Variants in TMCC2 observed in about 807,000 individuals in gnomAD.
TMCC2 encodes the protein transmembrane and coiled-coil domain family 2, also known as transmembrane and coiled-coil domains protein 2.
In TMCC2, 16 loss-of-function variants were observed where a neutral mutation model predicts 49.4. That is an observed-to-expected ratio of 0.32 (90% CI 0.22 to 0.49). The LOEUF (loss-of-function observed/expected upper bound fraction) is 0.49, where lower values mean the gene tolerates loss of function less well. TMCC2 is among the 20% of genes least tolerant of loss of function. TMCC2 has a pLI of 0.99. For missense variants in TMCC2, 762 were observed against 989.8 expected (o/e 0.77, Z 3.09); for synonymous variants, 397 against 434.1 (o/e 0.91, Z 1.06).
rs1395178300 is a variant in TMCC2 at position 205,257,285 on chromosome 1, G to C, written c.748-11665G>C. ...CCAGGGTCTGTGACCCCGGGGGCCT[G>C]ACACAGTCCGCAGACAGCTGGGGCC... is the stretch of plus-strand genomic sequence containing the variant. On this transcript the variant is annotated intron_variant, in intron 2 of 4. Coordinates refer to ENST00000358024, the MANE Select transcript of TMCC2 (RefSeq NM_014858.4). The C allele has an allele frequency of 3.2e-6, 4 of 1,232,158 alleles. No homozygotes were observed. In the African/African-American group the frequency reaches 6.2e-5, roughly 19 times the overall value. 76.3% of individuals were successfully genotyped at this position (1,232,158 alleles called of 1,614,324 possible). A position where few individuals can be genotyped will look rare whatever the true frequency, so the allele number is the denominator to read the frequency against.
chr1:205,253,802 G>A lies in TMCC2; in HGVS notation c.747+11758G>A, dbSNP rs116154919. On this transcript the variant is annotated intron_variant, in intron 2 of 4. Transcript: ENST00000358024. ...TTCTGTTTCAGACCAAGTCTTCCAG[G>A]TACTGTCTGGAATACTGTGGTTTGT... 3.3e-3 allele frequency among the ~76,000 whole-genome samples: 499 copies of A among 152,304 alleles called. 3 individuals are homozygous for A. The highest frequency in any genetic ancestry group is 5.3e-3 in the Non-Finnish European group (359 of 68,030).
In TMCC2 at chr1:205,232,602, A is replaced by C. The variant is rs544638520; in HGVS notation, c.207+3831A>C. 4.6e-5 allele frequency among the ~76,000 whole-genome samples: 7 copies of C among 152,232 alleles called. No individual in the cohort carries two copies. In the South Asian group the frequency reaches 1.5e-3, roughly 32 times the overall value. ...GGGAGGAGAGGTGGGGCTTAGGGGA[A>C]TACTGCAGACAGGGAGCACACATTC... On this transcript the variant is annotated intron_variant, in intron 1 of 4. Transcript: ENST00000358024.
intron 1 of TMCC2, chr1:205,233,763 C>T (rs1244709880): frequency 6.6e-6 from 1 of 151,962 alleles, no homozygotes; most frequent in Non-Finnish European, 1.5e-5. Context: ...CTGACATTCC[C>T]GAGAAGCACC....
At chr1:205,242,923 C>G (rs1477107958) in intron 2 of TMCC2, among the ~76,000 whole-genome samples, 1 of 152,172 alleles carries the variant, frequency 6.6e-6, no homozygotes, top group Non-Finnish European at 1.5e-5. Flanking sequence ...CTAGGGGCTA[C>G]TGGGGGTTCA....
chr1:205,258,934 C>T (rs575647197), intron 2 of TMCC2, among the ~76,000 whole-genome samples: 6 of 152,320 alleles, frequency 3.9e-5, no homozygotes, highest in South Asian at 2.1e-4. Flanking sequence ...ATCAGAGTCA[C>T]GGGGCAGCAG....
rs892881008 is a variant in TMCC2 at position 205,239,025 on chromosome 1, C to A, written c.208-2480C>A. On this transcript the variant is annotated intron_variant, in intron 1 of 4. Coordinates refer to ENST00000358024, the MANE Select transcript of TMCC2 (RefSeq NM_014858.4). ...AGACATCGGTGGCCACCGTAGCTCT[C>A]CCCAGCACCTCCACCAGCCTCCCGG... 1.1e-4 allele frequency among the ~76,000 whole-genome samples: 17 copies of A among 152,180 alleles called. 1 individual carries two copies. Among genetic ancestry groups the A allele is most frequent in the African/African-American group, 3.6e-4 (15 of 41,442 alleles).
At chr1:205,255,485 G>A (rs563136100) in intron 2 of TMCC2, among the ~76,000 whole-genome samples, 9 of 152,304 alleles carry the variant, frequency 5.9e-5, no homozygotes, top group African/African-American at 2.2e-4. Context: ...AACCCAGGAG[G>A]TGGAGGTTGC....
chr1:205,266,959 C>T (rs1232630973), intron 2 of TMCC2, among the ~76,000 whole-genome samples: 1 of 152,216 alleles, frequency 6.6e-6, no homozygotes, highest in Non-Finnish European at 1.5e-5. Flanking sequence ...AGCCTAATTG[C>T]AGGTTAGGGT....
In TMCC2 at chr1:205,264,360, C is replaced by G. The variant is rs1177005247; in HGVS notation, c.748-4590C>G. ...GTTTTTGAGACGGAGTCTCTGTCAC[C>G]CAGGCTGGAGTGCAGTGGTGCAGTC... On this transcript the variant is annotated intron_variant, in intron 2 of 4. Coordinates refer to ENST00000358024, the MANE Select transcript of TMCC2 (RefSeq NM_014858.4). This position sits in a 1 kb window ranked among gnomAD's most constrained non-coding sequence, Gnocchi z 4.2. Among the ~76,000 whole-genome samples the G allele has an allele frequency of 2.0e-5, 3 of 152,144 alleles. No individual in the cohort carries two copies. The highest frequency in any genetic ancestry group is 4.4e-5 in the Non-Finnish European group (3 of 68,028).
At chr1:205,256,261 G>T in intron 2 of TMCC2, 1 of 1,538,260 alleles carries the variant, frequency 6.5e-7, no homozygotes. Context: ...GCTGCCATTA[G>T]AGAGATCCAG....
chr1:205,271,361 C>G (rs767806959), intron 4 of TMCC2, 106 bp downstream of exon 4: 6 of 1,587,908 alleles, frequency 3.8e-6, no homozygotes, highest in Admixed American at 3.4e-5. Flanking sequence ...ACAGGCTGGC[C>G]TGTTGGCCGG....
Position 205,241,977 on chromosome 1 carries a change from C to A in TMCC2, c.680C>A (p.Ala227Asp). Residue 227 changes from alanine to aspartate, a missense_variant, in exon 2 of 5, where the codon GCT becomes GAT. Coordinates refer to ENST00000358024, the MANE Select transcript of TMCC2 (RefSeq NM_014858.4). This position sits in a 1 kb window ranked among gnomAD's most constrained non-coding sequence, Gnocchi z 7.3. ...CGCTCTTCCTCCACCACCGACACTG[C>A]TCTGCTGCTGGCCGACGGCAGCAAC... is the stretch of plus-strand genomic sequence containing the variant. ...RPRSSSTTDT[A>D]LLLADGSNVY... 6.2e-7 allele frequency: 1 copy of A among 1,610,918 alleles called. No homozygotes were observed. The highest frequency in any genetic ancestry group is 8.5e-7 in the Non-Finnish European group (1 of 1,179,514).
rs753786466 is a variant in TMCC2, at chr1:205,269,462, C to T, written c.1260C>T (p.Ala420=). 5 of 1,607,426 alleles carry T rather than the reference C, an allele frequency of 3.1e-6. No homozygotes were observed. The East Asian group carries it at 6.7e-5, about 22-fold the overall frequency. Residue 420 remains alanine, a synonymous_variant, in exon 3 of 5, where the codon GCC becomes GCT. Transcript: ENST00000358024. ...GCCTCTCACAGGCCACCCACACCGC[C>T]GTGGTGTCCAAGCCCCGGGAGTTTG... ...LSGLSQATHT[A]VVSKPREFAS...
intron 3 of TMCC2, 68 bp downstream of exon 3, chr1:205,269,952 C>G: frequency 1.2e-5 from 18 of 1,496,526 alleles, no homozygotes; most frequent in Non-Finnish European, 1.5e-5. Context: ...CACTGGGTTT[C>G]AGACCCAGGG....
rs1019147201 is a variant in TMCC2, at chr1:205,264,284, A to T, written c.748-4666A>T. 2.0e-5 allele frequency among the ~76,000 whole-genome samples: 3 copies of T among 152,182 alleles called. No individual in the cohort carries two copies. The highest frequency in any genetic ancestry group is 4.8e-5 in the African/African-American group (2 of 41,450). On this transcript the variant is annotated intron_variant, in intron 2 of 4. Transcript: ENST00000358024. The surrounding 1 kb of genome is among the most constrained non-coding windows in gnomAD (Gnocchi z 4.2). Reference sequence around the variant, plus strand: ...CCTAGTACAATGTAAATACTATGAAAATAGAAAATAGTGTGACACTGTTGT... The same window carrying T: ...CCTAGTACAATGTAAATACTATGAATATAGAAAATAGTGTGACACTGTTGT...
chr1:205,268,936 G>A lies in TMCC2; in HGVS notation c.748-14G>A. 1.9e-6 allele frequency: 3 copies of A among 1,609,772 alleles called. No homozygotes were observed. The highest frequency in any genetic ancestry group is 1.7e-4 in the Middle Eastern group (1 of 6,052). ...GGGTTTACCCATGCTTCCTCTGCCT[G>A]CCTCTTTCCCCAGGTCGATAAGGGA... On this transcript the variant is annotated splice_polypyrimidine_tract_variant and intron_variant, in intron 2 of 4. Coordinates refer to ENST00000358024, the MANE Select transcript of TMCC2 (RefSeq NM_014858.4).
At chr1:205,234,569 A>G (rs1288374841) in intron 1 of TMCC2, among the ~76,000 whole-genome samples, 2 of 152,222 alleles carry the variant, frequency 1.3e-5, no homozygotes, top group Non-Finnish European at 1.5e-5. Context: ...ATGGAAATAC[A>G]TAGAAGTTAA....
chr1:205,238,588 C>T (rs899304398), intron 1 of TMCC2, among the ~76,000 whole-genome samples: 1 of 152,130 alleles, frequency 6.6e-6, no homozygotes, highest in Non-Finnish European at 1.5e-5. Context: ...GGTCTTGTCC[C>T]ATAACATGGG....
At position 205,272,364 on chromosome 1, in the gene TMCC2, A is replaced by C; in HGVS notation, c.*240A>C. 1.4e-5 allele frequency: 10 copies of C among 693,482 alleles called. No individual in the cohort carries two copies. Among genetic ancestry groups the C allele is most frequent in the Non-Finnish European group, 2.3e-5 (10 of 430,970 alleles). The allele number at this position is 693,482 out of a possible 1,614,324, so 43.0% of individuals were successfully genotyped here. ...GCGGGCACCTGTGGCCAAGTGGAGC[A>C]GAGGTGGACATGGGGTTGGATTGTT... On this transcript the variant is annotated 3_prime_UTR_variant, in exon 5 of 5. Coordinates refer to ENST00000358024, the MANE Select transcript of TMCC2 (RefSeq NM_014858.4).
Sources: gnomAD v4.1 joint callset for allele counts (sites outside exome capture counted in the v4.1 genomes callset) on GRCh38, gnomAD v4.1.1 for gene constraint, Gnocchi (gnomAD v3.1) non-coding constraint, MANE v1.5 for transcripts, NCBI Gene and HGNC (gene_info 2026-07-23, HGNC 2026-07-21) for gene names.